The following BAG1 variants were observed in gnomAD, a reference collection of about 807,000 sequenced individuals.
The protein encoded by BAG1 is BAG cochaperone 1.
Under a neutral mutation model 35.5 loss-of-function variants are expected in BAG1, and 35 were observed. The ratio of observed to expected loss-of-function variants is 0.99; its 90% CI spans 0.75 to 1.31. The LOEUF (loss-of-function observed/expected upper bound fraction) is 1.31. Ranked by LOEUF, BAG1 falls within the 50% of genes most tolerant of loss-of-function variation. The pLI, the probability that BAG1 is intolerant of heterozygous loss-of-function variation, is 0.00. For missense variants in BAG1, 464 were observed against 453.6 expected, an observed-to-expected ratio of 1.02 and a Z score of -0.21; for synonymous variants, 191 against 178.9, an observed-to-expected ratio of 1.07 and a Z score of -0.54.
intron 4 of BAG1, 92 bp from the exon 5 acceptor site, chr9:33,257,000 A>G: frequency 1.1e-6 from 1 of 936,704 alleles, no homozygotes; most frequent in Non-Finnish European, 1.7e-6. Flanking sequence ...CACTGAGCCC[A>G]CCATAGCCCT....
rs1820398978 is a variant in BAG1 at position 33,254,176 on chromosome 9, G to C, written c.*1043C>G. 6.8e-6 allele frequency: 1 copy of C among 147,926 alleles called. No homozygotes were observed. Among genetic ancestry groups the C allele is most frequent in the Admixed American group, 6.7e-5 (1 of 14,942 alleles). 9.2% of individuals were successfully genotyped at this position (147,926 alleles called of 1,614,324 possible). On this transcript the variant is annotated 3_prime_UTR_variant, in exon 7 of 7. Transcript: ENST00000634734. ...TTTTTTTTTTTTTTAAAGCAGAATG[G>C]GGTTTTGCTATGTTGCCTGGGCTGG...
At position 33,255,129 on chromosome 9, in the gene BAG1, GC is replaced by G. The variant is rs1205777477; in HGVS notation, c.*89del. The G allele has an allele frequency of 6.2e-7, 1 of 1,613,356 alleles. No individual in the cohort carries two copies. The highest frequency in any genetic ancestry group is 2.2e-5 in the East Asian group (1 of 44,868). ...GGCAAATGGCCAGTTGCCCCCAGCA[GC>G]CCTGAAGAAATCAGGTAAATTCCGC... is the stretch of plus-strand genomic sequence containing the variant. On this transcript the variant is annotated 3_prime_UTR_variant, in exon 7 of 7. Transcript: ENST00000634734.
Position 33,264,384 on chromosome 9 carries a change from TTCCTCACTCAGGGTCAAC to T in BAG1, c.273_290del (p.Leu92_Glu97del), listed in dbSNP as rs1460724951. On this transcript the variant is annotated inframe_deletion, in exon 1 of 7. Transcript: ENST00000634734. ...GGGTCGCCTCTTCACTCCAGGTCGC[TTCCTCACTCAGGGTCAAC>T]TCCTCGCTCCGGGTCAACTCCTCGC... 1.2e-6 allele frequency: 2 copies of T among 1,609,832 alleles called. No individual in the cohort carries two copies. Among genetic ancestry groups the T allele is most frequent in the East Asian group, 4.5e-5 (2 of 44,540 alleles).
At chr9:33,262,891 A>G in intron 1 of BAG1, 61 bp from the exon 2 acceptor site, 1 of 1,584,950 alleles carries the variant, frequency 6.3e-7, no homozygotes, top group Non-Finnish European at 8.6e-7. Context: ...ATATAGGATG[A>G]CACTTTATCA....
rs775723435 is a variant in BAG1 at position 33,259,044 on chromosome 9, TAAG to T, written c.664-14_664-12del. On this transcript the variant is annotated splice_polypyrimidine_tract_variant and intron_variant, in intron 3 of 6. Transcript: ENST00000634734. ...TTCCTGTGGACTGTTCTAAAATGTT[TAAG>T]AAGAAAATAAAGCCAATAGTCAAAA... 6.2e-6 allele frequency: 10 copies of T among 1,608,580 alleles called. No homozygotes were observed. In the South Asian group the frequency reaches 1.1e-4, roughly 18 times the overall value.
chr9:33,256,812 T>C lies in BAG1; in HGVS notation c.874A>G (p.Ile292Val). 6.2e-7 allele frequency: 1 copy of C among 1,613,480 alleles called. No individual in the cohort carries two copies. Among genetic ancestry groups the C allele is most frequent in the Non-Finnish European group, 8.5e-7 (1 of 1,179,476 alleles). ...GAATATTTACTTACCAGTGTGTCAA[T>C]CTCCTCCAAGATCTTCATAAACTGC... The change falls in exon 5 of 7, where the codon ATT becomes GTT. Residue 292 changes from isoleucine to valine, a missense_variant. Coordinates refer to ENST00000634734, the MANE Select transcript of BAG1 (RefSeq NM_004323.6).
chr9:33,255,455 G>A, intron 6 of BAG1, 147 bp from the exon 7 acceptor site: 2 of 1,346,718 alleles, frequency 1.5e-6, no homozygotes, highest in Non-Finnish European at 2.0e-6. Flanking sequence ...ACTGGCCTGG[G>A]TTCCAAGGTA....
intron 2 of BAG1, chr9:33,262,039 T>G (rs1298486487): frequency 1.7e-6 from 2 of 1,210,876 alleles, no homozygotes; most frequent in African/African-American, 1.6e-5. Flanking sequence ...TAATAGTAAT[T>G]TCATAGAAGT....
In BAG1 at chr9:33,255,218, C is replaced by G; in HGVS notation, c.*1G>C. 6.2e-7 allele frequency: 1 copy of G among 1,614,210 alleles called. No homozygotes were observed. Among genetic ancestry groups the G allele is most frequent in the East Asian group, 2.2e-5 (1 of 44,890 alleles). The stretch of plus-strand genomic sequence containing the variant: ...GCAGCACAGCCTTTTTCTGCTACAC[C>G]TCACTCGGCCAGGGCAAAGTTTGTA... On this transcript the variant is annotated 3_prime_UTR_variant, in exon 7 of 7. Transcript: ENST00000634734.
In BAG1 at chr9:33,261,091, T is replaced by C. The variant is rs762637931; in HGVS notation, c.659A>G (p.Lys220Arg). 7 of 1,604,758 alleles carry C rather than the reference T, an allele frequency of 4.4e-6. No individual in the cohort carries two copies. Among genetic ancestry groups the C allele is most frequent in the Non-Finnish European group, 5.1e-6 (6 of 1,175,404 alleles). The change falls in exon 3 of 7, where the codon AAA (lysine) becomes AGA (arginine). Residue 220 changes from lysine (K) to arginine (R), a missense_variant. By Grantham distance (26) the Lys-to-Arg change is conservative. Coordinates refer to ENST00000634734, the MANE Select transcript of BAG1 (RefSeq NM_004323.6). ...CTGATGGAAAAAGCAATTTACCTTT[T>C]TCCCAATTAACATGACCCGGCAACC...
intron 6 of BAG1, among the ~76,000 whole-genome samples, chr9:33,255,514 A>G (rs1483562264): frequency 2.6e-5 from 4 of 152,262 alleles, no homozygotes; most frequent in African/African-American, 9.6e-5. Context: ...GCTCTAGGCC[A>G]GCAATCCCCT....
At chr9:33,256,472 AG>A (rs1223586698) in intron 5 of BAG1, among the ~76,000 whole-genome samples, 4 of 152,240 alleles carry the variant, frequency 2.6e-5, no homozygotes, top group Non-Finnish European at 5.9e-5. Context: ...TATTCATCAG[AG>A]AAAGTTAAAT....
At chr9:33,256,734 GA>G (rs1280478904) in intron 5 of BAG1, 66 bp downstream of exon 5, 3 of 1,328,114 alleles carry the variant, frequency 2.3e-6, no homozygotes, top group African/African-American at 1.5e-5. Context: ...GTAAATTACT[GA>G]AAGAGTGAAT....
In BAG1 at chr9:33,258,973, T is replaced by C; in HGVS notation, c.724A>G (p.Lys242Glu). Residue 242 changes from lysine to glutamate, a missense_variant, in exon 4 of 7, where the codon AAG becomes GAG. Physicochemically the swap from Lys to Glu is moderately conservative, Grantham distance 56. Coordinates refer to ENST00000634734, the MANE Select transcript of BAG1 (RefSeq NM_004323.6). ...AACTCTTCCAGCTGGTCAGCTATCT[T>C]CTCCACAGACTTCTCCAAATGTTTC... 6.2e-7 allele frequency: 1 copy of C among 1,614,196 alleles called. No individual in the cohort carries two copies. The highest frequency in any genetic ancestry group is 2.2e-5 in the East Asian group (1 of 44,886).
intron 4 of BAG1, chr9:33,258,252 T>C (rs182552938): frequency 6.4e-4 from 87 of 135,188 alleles, no homozygotes; most frequent in African/African-American, 2.3e-3. Flanking sequence ...GCCACTGAGA[T>C]TGCACCACTG....
intron 1 of BAG1, 105 bp downstream of exon 1, chr9:33,264,119 G>A: frequency 2.9e-6 from 4 of 1,364,368 alleles, no homozygotes; most frequent in Non-Finnish European, 3.9e-6. Flanking sequence ...CCGGACGCCA[G>A]GACAAGCGCA....
At chr9:33,260,048 T>C (rs1456568556) in intron 3 of BAG1, 1 of 152,148 alleles carries the variant, frequency 6.6e-6, no homozygotes, top group Admixed American at 6.5e-5. Flanking sequence ...CAGGTTGGAG[T>C]GCAGTGGCTG....
At chr9:33,262,576 G>A in intron 2 of BAG1, 126 bp downstream of exon 2, 1 of 1,031,070 alleles carries the variant, frequency 9.7e-7, no homozygotes, top group Non-Finnish European at 1.3e-6. Context: ...AGAATCACTT[G>A]AATCCGGGAG....
chr9:33,257,144 G>T, intron 4 of BAG1: 1 of 468,192 alleles, frequency 2.1e-6, no homozygotes, highest in South Asian at 3.2e-5. Flanking sequence ...GGCTGCAAAT[G>T]CCTCCTGAGG....
Sources: gnomAD v4.1 joint callset for allele counts (sites outside exome capture counted in the v4.1 genomes callset) on GRCh38, gnomAD v4.1.1 for gene constraint, MANE v1.5 for transcripts, NCBI Gene and HGNC (gene_info 2026-07-23, HGNC 2026-07-21) for gene names.